The following POLN variants were observed in gnomAD, a reference collection of about 807,000 sequenced individuals.
POLN encodes the protein DNA polymerase N.
In POLN, 108 loss-of-function variants were observed where a neutral mutation model predicts 113.5. That is an observed-to-expected ratio of 0.95 (90% CI 0.81 to 1.12). The LOEUF (loss-of-function observed/expected upper bound fraction) is 1.12, where lower values mean the gene tolerates loss of function less well. Ranked by LOEUF, POLN falls within the 50% of genes most tolerant of loss-of-function variation. POLN has a pLI of 0.00. For missense variants in POLN, 1,097 were observed against 1,077.1 expected (o/e 1.02, Z -0.26); for synonymous variants, 386 against 391.5 (o/e 0.99, Z 0.17).
chr4:2,082,880 TAA>T (rs1237641088), intron 21 of POLN: 5 of 152,272 alleles, frequency 3.3e-5, no homozygotes, highest in Non-Finnish European at 7.3e-5. Context: ...TTGGCAGGCT[TAA>T]GTTACTTGCC....
chr4:2,198,679 T>C lies in POLN; in HGVS notation c.753A>G (p.Val251=). The C allele has an allele frequency of 1.2e-6, 2 of 1,612,962 alleles. No homozygotes were observed. Among genetic ancestry groups the C allele is most frequent in the East Asian group, 2.2e-5 (1 of 44,842 alleles). The change falls in exon 6 of 26, where the codon GTA becomes GTG. Residue 251 remains valine, a synonymous_variant. Transcript: ENST00000511885. The part of the protein sequence containing the change: ...VSSVRGIVVL[V]KRQAEGGHGC... ...CATGGCCACCCTCTGCTTGGCGTTT[T>C]ACTAACACCACAATTCCTCTAACAG... is the stretch of plus-strand genomic sequence containing the variant.
chr4:2,095,984 G>A (rs368310729), intron 19 of POLN, 51 bp from the exon 20 acceptor site: 9 of 1,509,440 alleles, frequency 6.0e-6, no homozygotes, highest in Non-Finnish European at 5.5e-6. Context: ...CACTGTCAGT[G>A]CAGGGCAGAC....
intron 20 of POLN, among the ~76,000 whole-genome samples, chr4:2,087,275 T>C (rs1326888981): frequency 6.6e-6 from 1 of 152,208 alleles, no homozygotes; most frequent in Non-Finnish European, 1.5e-5. Context: ...ATAAGTTATG[T>C]GTTTTGCTAC....
intron 23 of POLN, chr4:2,080,358 C>T (rs930780476): frequency 3.2e-6 from 3 of 925,034 alleles, no homozygotes; most frequent in Admixed American, 1.3e-4. Flanking sequence ...GGGGGGCAGC[C>T]AGGGCGGAGC....
Position 2,135,410 on chromosome 4 carries a change from C to T in POLN, c.1732-4120G>A, listed in dbSNP as rs548301677. On this transcript the variant is annotated intron_variant, in intron 16 of 25. Transcript: ENST00000511885. ...GCTCCCCGTTGGTTGTGGCACTGTG[C>T]GCCAACCAGATCTGTGAATGTCTGT... Among the ~76,000 whole-genome samples the T allele has an allele frequency of 3.0e-4, 46 of 152,296 alleles. 1 individual carries two copies. Among genetic ancestry groups the T allele is most frequent in the South Asian group, 2.5e-3 (12 of 4,824 alleles).
chr4:2,175,732 C>T (rs1254478668), intron 9 of POLN, among the ~76,000 whole-genome samples: 1 of 152,242 alleles, frequency 6.6e-6, no homozygotes, highest in Admixed American at 6.5e-5. Flanking sequence ...GCGGGGCAGG[C>T]TCCTCCAGGT....
rs1730429950 is a variant in POLN, at chr4:2,081,875, C to T, written c.2198-132G>A. On this transcript the variant is annotated intron_variant, in intron 21 of 25. Transcript: ENST00000511885. The stretch of plus-strand genomic sequence containing the variant: ...GTGCAGACTCCAAGCCTCCCCTGGG[C>T]CCTTCGGGTCTATCATGGGGGCAAG... The T allele has an allele frequency of 1.2e-5, 8 of 689,478 alleles. No homozygotes were observed. The Admixed American group carries it at 1.6e-4, about 14-fold the overall frequency. 42.7% of individuals were successfully genotyped at this position (689,478 alleles called of 1,614,324 possible). A position where few individuals can be genotyped will look rare whatever the true frequency, so the allele number is the denominator to read the frequency against.
intron 2 of POLN, chr4:2,236,340 A>T (rs1468863880): frequency 6.2e-7 from 1 of 1,613,258 alleles, no homozygotes; most frequent in South Asian, 1.1e-5. Context: ...AGATACTGCC[A>T]ACTGATCTTG....
chr4:2,161,651 G>A (rs1468826247), intron 13 of POLN, among the ~76,000 whole-genome samples: 2 of 152,350 alleles, frequency 1.3e-5, no homozygotes, highest in South Asian at 2.1e-4. Context: ...TGAGGAGTGC[G>A]GGCGCACGGC....
At chr4:2,150,348 G>C (rs1732261275) in intron 16 of POLN, among the ~76,000 whole-genome samples, 2 of 151,728 alleles carry the variant, frequency 1.3e-5, no homozygotes, top group South Asian at 4.2e-4. Context: ...TCAAAGCAGA[G>C]AACAATACCA....
chr4:2,170,610 A>C (rs555078619), intron 13 of POLN, 69 bp downstream of exon 13: 36 of 1,374,328 alleles, frequency 2.6e-5, no homozygotes, highest in Admixed American at 2.1e-4. Flanking sequence ...GTGGGTCTGA[A>C]GGTCAGCACA....
In POLN at chr4:2,085,681, C is replaced by G; in HGVS notation, c.2129G>C (p.Ser710Thr). The G allele has an allele frequency of 6.2e-7, 1 of 1,614,178 alleles. No homozygotes were observed. Among genetic ancestry groups the G allele is most frequent in the Non-Finnish European group, 8.5e-7 (1 of 1,180,048 alleles). The change falls in exon 21 of 26, where the codon AGT becomes ACT. Residue 710 changes from serine to threonine, a missense_variant. Transcript: ENST00000511885. ...PIQEAAQFLE[S>T]FLQKYKKIKD... ...GATTTTCTTGTACTTCTGCAAAAAA[C>G]TCTCCAAAAACTGGGCAGCTTCCTG... is the stretch of plus-strand genomic sequence containing the variant.
intron 3 of POLN, among the ~76,000 whole-genome samples, chr4:2,219,857 C>T (rs1213945915): frequency 6.6e-6 from 1 of 152,148 alleles, no homozygotes; most frequent in Non-Finnish European, 1.5e-5. Flanking sequence ...AGTATGTTGG[C>T]ACCACCTCTT....
At chr4:2,078,506 T>A in intron 23 of POLN, 5 of 749,104 alleles carry the variant, frequency 6.7e-6, no homozygotes, top group Non-Finnish European at 8.1e-6. Context: ...AGACTCTCGC[T>A]CTCGCCCAGG....
At chr4:2,193,409 C>G in intron 6 of POLN, 93 bp from the exon 7 acceptor site, 1 of 732,248 alleles carries the variant, frequency 1.4e-6, no homozygotes, top group Non-Finnish European at 2.2e-6. Flanking sequence ...ACAGCTATCA[C>G]TTAGATAGCA....
At chr4:2,135,224 G>A (rs1731824350) in intron 16 of POLN, among the ~76,000 whole-genome samples, 1 of 152,156 alleles carries the variant, frequency 6.6e-6, no homozygotes, top group African/African-American at 2.4e-5. Context: ...GAGGAGTGAG[G>A]CTGGGGAAAT....
At chr4:2,203,435 C>A (rs1163947955) in intron 5 of POLN, among the ~76,000 whole-genome samples, 1 of 151,898 alleles carries the variant, frequency 6.6e-6, no homozygotes, top group Non-Finnish European at 1.5e-5. Context: ...CAAAAATTAG[C>A]CAGGTGTGGT....
chr4:2,072,220 G>T lies in POLN; in HGVS notation c.2597C>A (p.Pro866Gln). The part of the protein sequence containing the change: ...VPLQEAWGPP[P>Q]GPCRTESPSN... ...GGGAGACTCAGTGCGACATGGGCCTGGCGGAGGGCCCCAGGCCTCCTGCAG... is the reference window on the plus strand; with the variant it reads ...GGGAGACTCAGTGCGACATGGGCCTTGCGGAGGGCCCCAGGCCTCCTGCAG... Residue 866 changes from proline to glutamine, a missense_variant, in exon 26 of 26, where the codon CCA becomes CAA. Coordinates refer to ENST00000511885, the MANE Select transcript of POLN (RefSeq NM_181808.4). The T allele has an allele frequency of 6.2e-7, 1 of 1,606,332 alleles. No homozygotes were observed. The highest frequency in any genetic ancestry group is 8.5e-7 in the Non-Finnish European group (1 of 1,175,622).
rs765093597 is a variant in POLN at position 2,156,810 on chromosome 4, C to T, written c.1709G>A (p.Gly570Glu). The T allele has an allele frequency of 6.2e-7, 1 of 1,613,310 alleles. No individual in the cohort carries two copies. The highest frequency in any genetic ancestry group is 1.7e-5 in the Admixed American group (1 of 60,030). Reference protein sequence around the residue: ...STWNQTGTVTGRLSAKHPNIQ... With the variant: ...STWNQTGTVTERLSAKHPNIQ... ...TACAGGATGCTTGGCTGAAAGTCTTCCAGTCACAGTTCCAGTCTGATTCCA... is the reference window on the plus strand; with the variant it reads ...TACAGGATGCTTGGCTGAAAGTCTTTCAGTCACAGTTCCAGTCTGATTCCA... Residue 570 changes from glycine (G) to glutamate (E), a missense_variant, in exon 16 of 26, where the codon GGA becomes GAA. By Grantham distance (98) the Gly-to-Glu change is moderately conservative (BLOSUM62 -2). Coordinates refer to ENST00000511885, the MANE Select transcript of POLN (RefSeq NM_181808.4).
Sources: allele counts gnomAD v4.1 joint callset (sites outside exome capture counted in the v4.1 genomes callset), GRCh38; gene constraint gnomAD v4.1.1; transcripts MANE v1.5; gene names NCBI Gene and HGNC (gene_info 2026-07-23, HGNC 2026-07-21).